The following GRM8 variants were observed in gnomAD, a reference collection of about 807,000 sequenced individuals.
GRM8 encodes the protein glutamate metabotropic receptor 8, also known as metabotropic glutamate receptor 8.
A neutral mutation model predicts 87.2 loss-of-function variants in GRM8; 47 were observed. The observed-to-expected ratio is 0.54, with a 90% CI of 0.43 to 0.69. The LOEUF is 0.69. Among genes scored for constraint, GRM8 ranks in the 30% least tolerant of loss-of-function variants. The pLI, the probability that GRM8 is intolerant of heterozygous loss-of-function variation, is 0.00. For synonymous variants in GRM8, 396 were observed against 404.5 expected (o/e 0.98, Z 0.25); for missense variants, 1,019 against 1,139.2 (o/e 0.89, Z 1.52).
chr7:126,865,395 T>C (rs1798497639), intron 6 of GRM8, among the ~76,000 whole-genome samples: 2 of 152,252 alleles, frequency 1.3e-5, no homozygotes, highest in African/African-American at 2.4e-5. Context: ...AAAGAACTTT[T>C]ATTTTGGTAA....
intron 3 of GRM8, among the ~76,000 whole-genome samples, chr7:127,095,400 A>G (rs1187385870): frequency 6.6e-6 from 1 of 152,204 alleles, no homozygotes; most frequent in Admixed American, 6.5e-5. Context: ...AGGGGTGATC[A>G]TGGAAAGCAG....
At chr7:127,164,205 A>T (rs189890954) in intron 2 of GRM8, among the ~76,000 whole-genome samples, 2 of 152,116 alleles carry the variant, frequency 1.3e-5, no homozygotes, top group East Asian at 3.9e-4. Context: ...GCCTTCCACA[A>T]TGTTTGTAAG....
chr7:126,979,054 T>C (rs1811281314), intron 3 of GRM8, among the ~76,000 whole-genome samples: 1 of 152,224 alleles, frequency 6.6e-6, no homozygotes, highest in South Asian at 2.1e-4. Flanking sequence ...AAATTATGTG[T>C]AAAGATCTGA....
At chr7:127,233,833 G>T (rs1254154979) in intron 2 of GRM8, among the ~76,000 whole-genome samples, 1 of 152,190 alleles carries the variant, frequency 6.6e-6, no homozygotes, top group African/African-American at 2.4e-5. Context: ...CCTCATTCTA[G>T]AAACAGATAA....
intron 9 of GRM8, among the ~76,000 whole-genome samples, chr7:126,485,068 TA>T (rs1231966440): frequency 1.3e-5 from 2 of 151,990 alleles, no homozygotes; most frequent in African/African-American, 4.8e-5. Context: ...GTATTTGTAT[TA>T]ATTATTTTTA....
At chr7:127,060,321 C>T (rs1040983617) in intron 3 of GRM8, among the ~76,000 whole-genome samples, 2 of 151,898 alleles carry the variant, frequency 1.3e-5, no homozygotes, top group South Asian at 2.1e-4. Context: ...ATGATATATA[C>T]ACATATATAT....
chr7:127,177,252 A>G (rs1794165709), intron 2 of GRM8, among the ~76,000 whole-genome samples: 1 of 152,094 alleles, frequency 6.6e-6, no homozygotes, highest in African/African-American at 2.4e-5. Flanking sequence ...GACAACCTGC[A>G]TGACTCAGGA....
At chr7:126,599,507 A>T (rs1002541582) in intron 8 of GRM8, among the ~76,000 whole-genome samples, 43 of 152,110 alleles carry the variant, frequency 2.8e-4, no homozygotes, top group African/African-American at 1.0e-3. Context: ...CTAATCATTG[A>T]AGACATAAAG....
chr7:126,710,106 TAAGA>T (rs1810952391), intron 7 of GRM8, among the ~76,000 whole-genome samples: 1 of 152,216 alleles, frequency 6.6e-6, no homozygotes, highest in Non-Finnish European at 1.5e-5. Context: ...GCATTATGTC[TAAGA>T]AAGTGCATAA....
intron 7 of GRM8, among the ~76,000 whole-genome samples, chr7:126,670,443 T>C (rs1246410332): frequency 6.6e-6 from 1 of 152,202 alleles, no homozygotes; most frequent in Non-Finnish European, 1.5e-5. Flanking sequence ...CCATAAATCA[T>C]AATTAAGGTT....
At chr7:126,972,854 T>C (rs1368114725) in intron 3 of GRM8, among the ~76,000 whole-genome samples, 2 of 152,172 alleles carry the variant, frequency 1.3e-5, no homozygotes, top group African/African-American at 4.8e-5. Context: ...GCAAAAACCA[T>C]TAGAGCCTAG....
intron 6 of GRM8, 66 bp from the exon 7 acceptor site, chr7:126,770,131 T>A: frequency 9.6e-7 from 1 of 1,041,900 alleles, no homozygotes; most frequent in Middle Eastern, 2.2e-4. Flanking sequence ...GCATTAGAGC[T>A]AAGATTTCCA....
rs993704428 is a variant in GRM8 at position 126,830,827 on chromosome 7, T to C, written c.1157-60762A>G. Among the ~76,000 whole-genome samples, 124 of 152,328 alleles carry C rather than the reference T, an allele frequency of 8.1e-4. 1 individual carries two copies. Among genetic ancestry groups the C allele is most frequent in the Non-Finnish European group, 2.4e-4 (16 of 68,042 alleles). ...TTCTGCTCTGTTTTTTCCCCATCTT[T>C]GTGGTTTTATCTACTTTTGGTCTTT... On this transcript the variant is annotated intron_variant, in intron 6 of 10. Coordinates refer to ENST00000339582, the MANE Select transcript of GRM8 (RefSeq NM_000845.3).
intron 3 of GRM8, among the ~76,000 whole-genome samples, chr7:126,932,955 G>C (rs1805922403): frequency 6.6e-6 from 1 of 152,154 alleles, no homozygotes; most frequent in Non-Finnish European, 1.5e-5. Flanking sequence ...ATCATATCAA[G>C]AAGCAGTAAG....
chr7:127,125,830 G>C (rs1248042933), intron 2 of GRM8, among the ~76,000 whole-genome samples: 4 of 148,436 alleles, frequency 2.7e-5, no homozygotes, highest in Non-Finnish European at 4.5e-5. Flanking sequence ...GCAAAAGACG[G>C]TTTTCAAAAG....
chr7:127,249,041 A>C (rs1439406527), intron 1 of GRM8, among the ~76,000 whole-genome samples: 1 of 152,204 alleles, frequency 6.6e-6, no homozygotes, highest in African/African-American at 2.4e-5. Context: ...AGTTGTAGGT[A>C]CAATATAATG....
chr7:126,456,750 A>T (rs868461400), intron 9 of GRM8, among the ~76,000 whole-genome samples: 2 of 151,452 alleles, frequency 1.3e-5, no homozygotes, highest in African/African-American at 2.4e-5. Context: ...TCAAGGTGAA[A>T]TGTCTTGATA....
At chr7:126,503,500 ATTG>A (rs1464500643) in intron 9 of GRM8, among the ~76,000 whole-genome samples, 9 of 152,012 alleles carry the variant, frequency 5.9e-5, no homozygotes, top group African/African-American at 1.7e-4. Context: ...CCTTTTTTTC[ATTG>A]TTGTTAGCAA....
At chr7:126,653,801 C>T (rs1440466905) in intron 7 of GRM8, among the ~76,000 whole-genome samples, 2 of 152,188 alleles carry the variant, frequency 1.3e-5, no homozygotes, top group Non-Finnish European at 2.9e-5. Context: ...AAAGAGCAAA[C>T]TATATTTCTA....
Sources: gnomAD v4.1 joint callset for allele counts (sites outside exome capture counted in the v4.1 genomes callset) on GRCh38, gnomAD v4.1.1 for gene constraint, MANE v1.5 for transcripts, NCBI Gene and HGNC (gene_info 2026-07-23, HGNC 2026-07-21) for gene names.